Variants in GTF3C5 observed in about 807,000 individuals in gnomAD.
The protein encoded by GTF3C5 is general transcription factor IIIC subunit 5, also known as general transcription factor 3C polypeptide 5.
In GTF3C5, 47 loss-of-function variants were observed where a neutral mutation model predicts 61.0. That is an observed-to-expected ratio of 0.77 (90% CI 0.61 to 0.98). GTF3C5 has a LOEUF of 0.98. Among genes scored for constraint, GTF3C5 ranks in the 50% least tolerant of loss-of-function variants. The pLI, the probability that GTF3C5 is intolerant of heterozygous loss-of-function variation, is 0.00. For missense variants in GTF3C5, 659 were observed against 703.3 expected (o/e 0.94, Z 0.71); for synonymous variants, 295 against 275.4 (o/e 1.07, Z -0.71).
intron 8 of GTF3C5, chr9:133,055,156 G>A: frequency 6.5e-7 from 1 of 1,544,532 alleles, no homozygotes; most frequent in Non-Finnish European, 8.7e-7. Flanking sequence ...ACACACAGGA[G>A]GACAGAGCCA....
chr9:133,053,839 C>CT lies in GTF3C5; in HGVS notation c.886dup (p.Trp296LeufsTer11). The CT allele has an allele frequency of 6.2e-7, 1 of 1,607,998 alleles. No homozygotes were observed. The highest frequency in any genetic ancestry group is 1.1e-5 in the South Asian group (1 of 90,732). ...CTTTTCTGTCCCAGATAACAGGCCC[C>CT]TGGCGCAGCCTATGGATTCGATTTG... On this transcript the variant is annotated frameshift_variant, in exon 6 of 11. Coordinates refer to ENST00000372097, the MANE Select transcript of GTF3C5 (RefSeq NM_012087.4). LOFTEE classifies it high-confidence loss of function.
At chr9:133,047,708 G>A (rs1269049160) in intron 3 of GTF3C5, among the ~76,000 whole-genome samples, 1 of 152,164 alleles carries the variant, frequency 6.6e-6, no homozygotes, top group Non-Finnish European at 1.5e-5. Flanking sequence ...TTTTAGTAAA[G>A]ACGGGGTTTC....
At chr9:133,043,596 C>T in intron 2 of GTF3C5, 132 bp from the exon 3 acceptor site, 1 of 689,728 alleles carries the variant, frequency 1.4e-6, no homozygotes, top group Non-Finnish European at 2.5e-6. Flanking sequence ...GGTGTGTTTT[C>T]CTGCCACCCT....
intron 3 of GTF3C5, among the ~76,000 whole-genome samples, chr9:133,050,333 CCT>C (rs1172008382): frequency 6.6e-6 from 1 of 152,182 alleles, no homozygotes; most frequent in Admixed American, 6.5e-5. Context: ...AGCTCTTGTC[CCT>C]GTTTTGACAA....
At chr9:133,032,315 A>G (rs1386949944) in intron 1 of GTF3C5, among the ~76,000 whole-genome samples, 1 of 152,098 alleles carries the variant, frequency 6.6e-6, no homozygotes, top group Non-Finnish European at 1.5e-5. Flanking sequence ...AATCTAAGCT[A>G]ATCTCAATTG....
intron 7 of GTF3C5, 105 bp from the exon 8 acceptor site, chr9:133,054,607 T>A (rs1829873235): frequency 5.7e-6 from 8 of 1,408,420 alleles, no homozygotes; most frequent in Non-Finnish European, 7.9e-6. Context: ...CGGTCATTCC[T>A]CCCCTAGGAG....
chr9:133,033,465 C>T (rs910292664), intron 1 of GTF3C5, among the ~76,000 whole-genome samples: 5 of 152,146 alleles, frequency 3.3e-5, no homozygotes, highest in Non-Finnish European at 5.9e-5. Flanking sequence ...CTTGGAAGGG[C>T]TTAAGCTCAC....
chr9:133,054,346 C>G (rs1829857768), intron 6 of GTF3C5, 62 bp from the exon 7 acceptor site: 1 of 1,361,516 alleles, frequency 7.3e-7, no homozygotes, highest in African/African-American at 1.4e-5. Context: ...CAGTGTGAAG[C>G]CAGTGTTGTG....
intron 1 of GTF3C5, among the ~76,000 whole-genome samples, chr9:133,037,117 G>A (rs980386423): frequency 1.3e-5 from 2 of 152,094 alleles, no homozygotes; most frequent in African/African-American, 2.4e-5. Flanking sequence ...AGAACTGTCC[G>A]TCGATACTGT....
intron 1 of GTF3C5, among the ~76,000 whole-genome samples, chr9:133,034,457 G>C (rs1172159165): frequency 6.6e-6 from 1 of 152,146 alleles, no homozygotes; most frequent in Non-Finnish European, 1.5e-5. Context: ...ATGACAAGAT[G>C]ACCTTATGTT....
At chr9:133,047,647 G>T (rs1205625138) in intron 3 of GTF3C5, among the ~76,000 whole-genome samples, 1 of 151,660 alleles carries the variant, frequency 6.6e-6, no homozygotes, top group Non-Finnish European at 1.5e-5. Context: ...TCAGCCTCCC[G>T]AGTAGCTGGG....
intron 1 of GTF3C5, among the ~76,000 whole-genome samples, chr9:133,035,504 A>G (rs1052089063): frequency 2.0e-5 from 3 of 152,196 alleles, no homozygotes; most frequent in Admixed American, 6.5e-5. Flanking sequence ...TGGGGTCCCC[A>G]GTGAATTCCT....
chr9:133,058,241 C>G lies in GTF3C5; in HGVS notation c.*261C>G. 1 of 1,091,440 alleles carries G rather than the reference C, an allele frequency of 9.2e-7. No individual in the cohort carries two copies. The highest frequency in any genetic ancestry group is 4.5e-5 in the East Asian group (1 of 22,072). The allele number at this position is 1,091,440 out of a possible 1,614,324, so 67.6% of individuals were successfully genotyped here. A position where few individuals can be genotyped will look rare whatever the true frequency, so the allele number is the denominator to read the frequency against. On this transcript the variant is annotated 3_prime_UTR_variant, in exon 11 of 11. Coordinates refer to ENST00000372097, the MANE Select transcript of GTF3C5 (RefSeq NM_012087.4). ...TGCCACCCATGAACCAGCCCAGCAT[C>G]CAGCCAGTGAGTGGGCACCCAATGC... is the stretch of plus-strand genomic sequence containing the variant.
At chr9:133,047,483 C>T (rs1244439019) in intron 3 of GTF3C5, among the ~76,000 whole-genome samples, 1 of 151,980 alleles carries the variant, frequency 6.6e-6, no homozygotes, top group East Asian at 1.9e-4. Context: ...GTGTATTGTA[C>T]TCACTATAAG....
rs372576423 is a variant in GTF3C5 at position 133,050,809 on chromosome 9, C to T, written c.599C>T (p.Ser200Leu). ...GAAGGCTACAACAATCCCCCCATCT[C>T]AGGTGAGAATCTGATTGGCCTGAGC... ...HREGYNNPPISGENLIGLSRA... is the reference protein window; with the variant it reads ...HREGYNNPPILGENLIGLSRA... The change falls in exon 4 of 11, where the codon TCA (serine) becomes TTA (leucine). Residue 200 changes from serine to leucine, a missense_variant. Ser to Leu is a moderately radical substitution (Grantham distance 145). Transcript: ENST00000372097. 1.1e-5 allele frequency: 17 copies of T among 1,613,646 alleles called. No individual in the cohort carries two copies. In the African/African-American group the frequency reaches 2.0e-4, roughly 19 times the overall value.
At chr9:133,034,885 C>A (rs182943039) in intron 1 of GTF3C5, among the ~76,000 whole-genome samples, 2 of 152,188 alleles carry the variant, frequency 1.3e-5, no homozygotes, top group Non-Finnish European at 2.9e-5. Flanking sequence ...TAAGGCAACC[C>A]ATATAGCATT....
rs971797057 is a variant in GTF3C5 at position 133,054,075 on chromosome 9, CTT to C, written c.988+136_988+137del. Reference sequence around the variant, plus strand: ...ACCTTTTGCCCCCGTTGCTGAGACTCTTTTGAATGCAGAATGGCGTGGAAACG... The same window carrying C: ...ACCTTTTGCCCCCGTTGCTGAGACTCTTGAATGCAGAATGGCGTGGAAACG... On this transcript the variant is annotated intron_variant, in intron 6 of 10. Transcript: ENST00000372097. The C allele has an allele frequency of 4.5e-4, 302 of 674,436 alleles. 2 individuals are homozygous for C. The African/African-American group carries it at 4.9e-3, about 11-fold the overall frequency. The allele number at this position is 674,436 out of a possible 1,614,324, so 41.8% of individuals were successfully genotyped here.
chr9:133,034,087 G>T (rs553364572), intron 1 of GTF3C5, among the ~76,000 whole-genome samples: 43 of 152,298 alleles, frequency 2.8e-4, no homozygotes, highest in Middle Eastern at 3.4e-3. Context: ...AATACAGAGG[G>T]TTCTTGGGCC....
intron 3 of GTF3C5, among the ~76,000 whole-genome samples, chr9:133,048,181 C>T (rs1850261276): frequency 6.6e-6 from 1 of 151,544 alleles, no homozygotes; most frequent in Non-Finnish European, 1.5e-5. Context: ...AAGCAGCATA[C>T]TCTTGTCAGA....
Sources: gnomAD v4.1 joint callset for allele counts (sites outside exome capture counted in the v4.1 genomes callset) on GRCh38, gnomAD v4.1.1 for gene constraint, MANE v1.5 for transcripts, NCBI Gene and HGNC (gene_info 2026-07-23, HGNC 2026-07-21) for gene names.